Variants in ARHGEF26 observed in about 807,000 individuals in gnomAD.
ARHGEF26 encodes Rho guanine nucleotide exchange factor 26, also known as Rho guanine nucleotide exchange factor (GEF) 26.
ARHGEF26 carries 59 observed loss-of-function variants against 89.4 expected under a neutral mutation model. The observed-to-expected ratio is 0.66, with a 90% CI of 0.54 to 0.82. The LOEUF is 0.82. Among genes scored for constraint, ARHGEF26 ranks in the 40% least tolerant of loss-of-function variants. The probability of loss-of-function intolerance (pLI) is 0.00; values close to 1 mark genes in which losing one functional copy is unlikely to be tolerated. For synonymous variants in ARHGEF26, 500 were observed against 428.4 expected, an observed-to-expected ratio of 1.17 and a Z score of -2.06; for missense variants, 1,234 against 1,085.6, an observed-to-expected ratio of 1.14 and a Z score of -1.92.
At chr3:154,176,750 G>A (rs900165534) in intron 6 of ARHGEF26, among the ~76,000 whole-genome samples, 3 of 152,024 alleles carry the variant, frequency 2.0e-5, no homozygotes, top group Admixed American at 1.3e-4. Flanking sequence ...AGGGTAATGC[G>A]GCCAGAGACG....
chr3:154,164,107 A>AT (rs1347885455), intron 6 of ARHGEF26, among the ~76,000 whole-genome samples: 1 of 152,124 alleles, frequency 6.6e-6, no homozygotes, highest in African/African-American at 2.4e-5. Context: ...GTAGAAAATG[A>AT]TTTTGCAAGT....
At chr3:154,222,291 C>T (rs1248723909) in intron 10 of ARHGEF26, among the ~76,000 whole-genome samples, 1 of 151,932 alleles carries the variant, frequency 6.6e-6, no homozygotes, top group Non-Finnish European at 1.5e-5. Flanking sequence ...TTTAATTTTG[C>T]TTATGATTTT....
chr3:154,188,848 AAC>A (rs1713761504), intron 7 of ARHGEF26, among the ~76,000 whole-genome samples: 2 of 152,142 alleles, frequency 1.3e-5, no homozygotes, highest in African/African-American at 4.8e-5. Flanking sequence ...CAGGGTGGAA[AAC>A]ACACAGCTGC....
chr3:154,235,766 A>G (rs1048814196), intron 11 of ARHGEF26, among the ~76,000 whole-genome samples: 1 of 152,148 alleles, frequency 6.6e-6, no homozygotes, highest in Non-Finnish European at 1.5e-5. Context: ...ACAAAAAAAA[A>G]TATATAAAAC....
chr3:154,229,024 G>A (rs1716671177), intron 11 of ARHGEF26, among the ~76,000 whole-genome samples: 1 of 152,128 alleles, frequency 6.6e-6, no homozygotes, highest in South Asian at 2.1e-4. Flanking sequence ...ATCCAGACTG[G>A]CAGAAGGTTT....
rs759151684 is a variant in ARHGEF26 at position 154,254,824 on chromosome 3, G to A, written c.2473G>A (p.Gly825Ser). ...VVLIYQRVSDGWYEGERLRDG... is the reference protein window; with the variant it reads ...VVLIYQRVSDSWYEGERLRDG... The stretch of plus-strand genomic sequence containing the variant: ...CCTCATCTATCAACGTGTCAGCGAT[G>A]GTGAGTGGGAGCGTTCTTATGGGAC... Residue 825 changes from glycine to serine, a missense_variant and splice_region_variant, in exon 14 of 15, where the codon GGC (glycine) becomes AGC (serine). Transcript: ENST00000465093. 6.2e-7 allele frequency: 1 copy of A among 1,613,280 alleles called. No homozygotes were observed. Among genetic ancestry groups the A allele is most frequent in the Admixed American group, 1.7e-5 (1 of 60,028 alleles).
At chr3:154,235,563 C>T (rs1004281375) in intron 11 of ARHGEF26, among the ~76,000 whole-genome samples, 2 of 152,180 alleles carry the variant, frequency 1.3e-5, no homozygotes, top group Non-Finnish European at 2.9e-5. Flanking sequence ...ACTTCAGTTG[C>T]ATCCTTAAGC....
At chr3:154,209,908 A>T (rs73160560) in intron 9 of ARHGEF26, among the ~76,000 whole-genome samples, 37 of 152,310 alleles carry the variant, frequency 2.4e-4, no homozygotes, top group Admixed American at 3.9e-4. Context: ...CTAAAACCTC[A>T]GAAGTCTACT....
chr3:154,178,129 G>A (rs557884978), intron 6 of ARHGEF26, among the ~76,000 whole-genome samples: 6 of 152,168 alleles, frequency 3.9e-5, no homozygotes, highest in Admixed American at 6.5e-5. Context: ...GCTTGAACCC[G>A]GGAGGTGGAG....
chr3:154,129,025 T>C (rs1310364556), intron 3 of ARHGEF26, among the ~76,000 whole-genome samples: 1 of 152,200 alleles, frequency 6.6e-6, no homozygotes, highest in Non-Finnish European at 1.5e-5. Context: ...TGCCGGTTCC[T>C]AGTAGGTGTT....
intron 8 of ARHGEF26, among the ~76,000 whole-genome samples, chr3:154,192,890 G>C (rs1047324125): frequency 3.4e-4 from 51 of 152,230 alleles, no homozygotes; most frequent in African/African-American, 1.2e-3. Context: ...ATGTTTTCCA[G>C]ATTTTATATA....
chr3:154,175,280 T>G (rs1471910220), intron 6 of ARHGEF26, among the ~76,000 whole-genome samples: 1 of 152,162 alleles, frequency 6.6e-6, no homozygotes, highest in Non-Finnish European at 1.5e-5. Flanking sequence ...TGTAACTCAG[T>G]GTGGAAGCTG....
intron 6 of ARHGEF26, among the ~76,000 whole-genome samples, chr3:154,166,984 C>A (rs776305441): frequency 1.3e-5 from 2 of 152,108 alleles, no homozygotes; most frequent in Non-Finnish European, 1.5e-5. Context: ...TACCTATTTA[C>A]TTTTAGTCCA....
At chr3:154,132,234 A>T (rs1718722594) in intron 4 of ARHGEF26, among the ~76,000 whole-genome samples, 1 of 152,208 alleles carries the variant, frequency 6.6e-6, no homozygotes, top group South Asian at 2.1e-4. Context: ...TTAAAAAATA[A>T]ATAAAGTTAA....
chr3:154,122,742 C>T lies in ARHGEF26; in HGVS notation c.750C>T (p.Ile250=), dbSNP rs188991834. Residue 250 remains isoleucine, a synonymous_variant, in exon 2 of 15, where the codon ATC becomes ATT. Transcript: ENST00000465093. The stretch of plus-strand genomic sequence containing the variant: ...CCCTCAAAGTGGGGAAGCAGCAGAT[C>T]ATTCCGAAGAGTCTGGCCTCGGAAA... ...PAALKVGKQQ[I]IPKSLASEIK... 1.2e-6 allele frequency: 2 copies of T among 1,612,794 alleles called. No individual in the cohort carries two copies. Among genetic ancestry groups the T allele is most frequent in the Non-Finnish European group, 1.7e-6 (2 of 1,179,330 alleles).
intron 8 of ARHGEF26, among the ~76,000 whole-genome samples, chr3:154,193,809 A>G (rs1714103182): frequency 6.6e-6 from 1 of 151,698 alleles, no homozygotes; most frequent in African/African-American, 2.4e-5. Context: ...CAGAAAACCT[A>G]GCAGGCTTTT....
At chr3:154,143,752 A>C (rs933608228) in intron 4 of ARHGEF26, among the ~76,000 whole-genome samples, 1 of 152,160 alleles carries the variant, frequency 6.6e-6, no homozygotes, top group Non-Finnish European at 1.5e-5. Flanking sequence ...GCACGTTTAA[A>C]AATTGTTAGT....
intron 6 of ARHGEF26, among the ~76,000 whole-genome samples, chr3:154,156,469 G>T (rs1446445211): frequency 6.6e-6 from 1 of 151,926 alleles, no homozygotes; most frequent in Non-Finnish European, 1.5e-5. Context: ...TTTTTATTTT[G>T]TTTTCACTTC....
chr3:154,228,597 C>T (rs1343803511), intron 11 of ARHGEF26, among the ~76,000 whole-genome samples: 1 of 151,184 alleles, frequency 6.6e-6, no homozygotes, highest in African/African-American at 2.4e-5. Flanking sequence ...CTAGGGTGTT[C>T]TTAGGTAATA....
Sources: gnomAD v4.1 joint callset for allele counts (sites outside exome capture counted in the v4.1 genomes callset) on GRCh38, gnomAD v4.1.1 for gene constraint, MANE v1.5 for transcripts, NCBI Gene and HGNC (gene_info 2026-07-23, HGNC 2026-07-21) for gene names.